TMEM74: variants seen among roughly 807,000 people sequenced by gnomAD.
TMEM74 encodes transmembrane protein 74.
In TMEM74, 13 loss-of-function variants were observed where a neutral mutation model predicts 18.1. The ratio of observed to expected loss-of-function variants is 0.72; its 90% CI spans 0.47 to 1.14. The LOEUF is 1.14. Among genes scored for constraint, TMEM74 ranks in the 50% most tolerant of loss-of-function variants. The probability of loss-of-function intolerance (pLI) is 0.00; values close to 1 mark genes in which losing one functional copy is unlikely to be tolerated. For synonymous variants in TMEM74, 159 were observed against 146.6 expected (o/e 1.08, Z -0.61); for missense variants, 372 against 375.9 (o/e 0.99, Z 0.09).
At chr8:108,707,673 A>G (rs1813430194) in intron 1 of TMEM74, among the ~76,000 whole-genome samples, 1 of 152,196 alleles carries the variant, frequency 6.6e-6, no homozygotes, top group African/African-American at 2.4e-5. Flanking sequence ...CTTACTTTAC[A>G]TCGCACACAA....
chr8:108,703,313 C>T (rs555057818), intron 1 of TMEM74, among the ~76,000 whole-genome samples: 3 of 152,178 alleles, frequency 2.0e-5, no homozygotes, highest in Admixed American at 6.6e-5. Context: ...CGTACATTTC[C>T]TTGAGTATAT....
chr8:108,701,197 TA>T (rs34352264), intron 1 of TMEM74, among the ~76,000 whole-genome samples: 10,347 of 135,326 alleles, frequency 0.076, 703 homozygotes, highest in African/African-American at 0.2. Context: ...ATTCATGACT[TA>T]AAAAAAAAAA....
chr8:108,618,326 T>C (rs568084021), intron 2 of TMEM74, among the ~76,000 whole-genome samples: 1 of 152,310 alleles, frequency 6.6e-6, no homozygotes, highest in East Asian at 1.9e-4. Flanking sequence ...AGGTTGTGTA[T>C]ATTTTGATGA....
chr8:108,662,536 C>T (rs1812910983), intron 1 of TMEM74, among the ~76,000 whole-genome samples: 1 of 151,962 alleles, frequency 6.6e-6, no homozygotes, highest in Admixed American at 6.6e-5. Context: ...GTAGAACTAC[C>T]CTGCTTATCA....
At chr8:108,723,261 A>G (rs1321049114) in intron 1 of TMEM74, among the ~76,000 whole-genome samples, 1 of 152,212 alleles carries the variant, frequency 6.6e-6, no homozygotes, top group Non-Finnish European at 1.5e-5. Flanking sequence ...GCATTTGTTA[A>G]ATTCTGAAGC....
At chr8:108,617,305 GGCCTATGGGTT>G (rs1326500411) in intron 2 of TMEM74, among the ~76,000 whole-genome samples, 1 of 151,998 alleles carries the variant, frequency 6.6e-6, no homozygotes. Flanking sequence ...GTAGTACTAC[GGCCTATGGGTT>G]GCTCTTCAGG....
intron 1 of TMEM74, among the ~76,000 whole-genome samples, chr8:108,689,246 A>C (rs945245750): frequency 2.6e-5 from 4 of 152,200 alleles, no homozygotes; most frequent in African/African-American, 9.6e-5. Context: ...TATATCAAGA[A>C]ATGCGGACAA....
At chr8:108,697,392 C>T (rs1813290634) in intron 1 of TMEM74, among the ~76,000 whole-genome samples, 1 of 152,118 alleles carries the variant, frequency 6.6e-6, no homozygotes, top group Non-Finnish European at 1.5e-5. Flanking sequence ...CTGATATAAG[C>T]TTCAATTCCT....
At chr8:108,720,369 G>T (rs1813573854) in intron 1 of TMEM74, among the ~76,000 whole-genome samples, 1 of 152,138 alleles carries the variant, frequency 6.6e-6, no homozygotes, top group African/African-American at 2.4e-5. Context: ...ACAGTATTGT[G>T]GGAAATGGTT....
chr8:108,647,305 T>G (rs1812729610), intron 2 of TMEM74, among the ~76,000 whole-genome samples: 1 of 152,186 alleles, frequency 6.6e-6, no homozygotes, highest in Admixed American at 6.6e-5. Flanking sequence ...GCCACCCAGA[T>G]GAAGACAGCC....
chr8:108,707,181 G>C (rs1224853999), intron 1 of TMEM74, among the ~76,000 whole-genome samples: 6 of 143,886 alleles, frequency 4.2e-5, no homozygotes, highest in African/African-American at 1.6e-4. Context: ...ACCGGGGCCT[G>C]TCGGGGGGTG....
At chr8:108,684,288 T>C (rs1813146417) in intron 1 of TMEM74, among the ~76,000 whole-genome samples, 1 of 152,132 alleles carries the variant, frequency 6.6e-6, no homozygotes, top group Admixed American at 6.5e-5. Context: ...TTTCTGATAA[T>C]AGCCATCCTA....
intron 2 of TMEM74, among the ~76,000 whole-genome samples, chr8:108,618,593 T>C (rs184005117): frequency 2.0e-5 from 3 of 152,308 alleles, no homozygotes; most frequent in Admixed American, 2.0e-4. Context: ...TTTGGTTCTG[T>C]GCTGTTTGTT....
intron 2 of TMEM74, among the ~76,000 whole-genome samples, chr8:108,632,126 G>A (rs1352805073): frequency 3.3e-5 from 5 of 151,956 alleles, no homozygotes; most frequent in African/African-American, 1.2e-4. Flanking sequence ...CAGGAAGGAC[G>A]TTATCCCAGC....
rs144036200 is a variant in TMEM74, at chr8:108,670,481, C to T, written n.120-15044G>A. Among the ~76,000 whole-genome samples the T allele has an allele frequency of 4.0e-3, 614 of 152,260 alleles. 5 individuals carry two copies. The highest frequency in any genetic ancestry group is 0.014 in the African/African-American group (594 of 41,552). ...ACTGAGTCTCCCATATACTGCAGTG[C>T]TGTGTGGTTGTGGCTGAGTCTTAAT... On this transcript the variant is annotated intron_variant and non_coding_transcript_variant, in intron 1 of 3. Coordinates refer to the TMEM74 transcript ENST00000518838.
intron 1 of TMEM74, among the ~76,000 whole-genome samples, chr8:108,759,154 G>A (rs898940692): frequency 1.1e-4 from 17 of 151,954 alleles, no homozygotes; most frequent in Admixed American, 3.3e-4. Context: ...AAGTAAAAAG[G>A]GGTATGAGAT....
chr8:108,659,949 GTATGCTACCCAGAGCTCCTGAGACA>G (rs1178657011), intron 1 of TMEM74, among the ~76,000 whole-genome samples: 3 of 152,116 alleles, frequency 2.0e-5, no homozygotes, highest in Non-Finnish European at 4.4e-5. Context: ...TTGATGAGCC[GTATGCTACCCAGAGCTCCTGAGACA>G]TTGACCAAGG....
At chr8:108,710,418 A>T (rs1813462914) in intron 1 of TMEM74, among the ~76,000 whole-genome samples, 1 of 152,158 alleles carries the variant, frequency 6.6e-6, no homozygotes, top group Non-Finnish European at 1.5e-5. Context: ...ACTGCATGTG[A>T]GTTCTGGTAT....
intron 1 of TMEM74, among the ~76,000 whole-genome samples, chr8:108,693,544 AT>A (rs2130609266): frequency 6.6e-6 from 1 of 152,368 alleles, no homozygotes; most frequent in South Asian, 2.1e-4. Context: ...ACGTCAGCTA[AT>A]ACATTCCTTG....
Sources: gnomAD v4.1 joint callset for allele counts (sites outside exome capture counted in the v4.1 genomes callset) on GRCh38, gnomAD v4.1.1 for gene constraint, MANE v1.5 for transcripts, NCBI Gene and HGNC (gene_info 2026-07-23, HGNC 2026-07-21) for gene names.